SIRPB2: variants seen among roughly 807,000 people sequenced by gnomAD.
SIRPB2 encodes the protein signal-regulatory protein beta-2.
SIRPB2 carries 18 observed loss-of-function variants against 27.1 expected under a neutral mutation model. The observed-to-expected ratio is 0.66, with a 90% CI of 0.46 to 0.98. SIRPB2 has a LOEUF of 0.98. SIRPB2 is among the 50% of genes least tolerant of loss of function. SIRPB2 has a pLI of 0.00. For synonymous variants in SIRPB2, 150 were observed against 164.6 expected (o/e 0.91, Z 0.68); for missense variants, 420 against 417.4 (o/e 1.01, Z -0.06).
chr20:1,485,623 T>G (rs75415721), intron 1 of SIRPB2, among the ~76,000 whole-genome samples: 6 of 145,888 alleles, frequency 4.1e-5, no homozygotes, highest in Non-Finnish European at 5.9e-5. Flanking sequence ...TGAAACTTAA[T>G]ACAGTAGAAC....
At chr20:1,484,208 A>G (rs772111249) in intron 1 of SIRPB2, among the ~76,000 whole-genome samples, 1 of 152,226 alleles carries the variant, frequency 6.6e-6, no homozygotes, top group Non-Finnish European at 1.5e-5. Flanking sequence ...AAGATGAATT[A>G]AAGATCTAAC....
At chr20:1,486,134 G>T (rs1035087202) in intron 1 of SIRPB2, among the ~76,000 whole-genome samples, 1 of 149,728 alleles carries the variant, frequency 6.7e-6, no homozygotes, top group Non-Finnish European at 1.5e-5. Flanking sequence ...ATATGGTGGC[G>T]TGATCTCAGC....
intron 1 of SIRPB2, among the ~76,000 whole-genome samples, chr20:1,483,824 AC>A (rs2090697995): frequency 1.3e-5 from 2 of 152,108 alleles, no homozygotes; most frequent in South Asian, 2.1e-4. Flanking sequence ...TAGCCACAAA[AC>A]CTTTGCCTAG....
In SIRPB2 at chr20:1,488,377, C is replaced by T. The variant is rs367551862; in HGVS notation, c.85+2898G>A. ...TGAGAGGTTGGTAATCCTAGGACTT[C>T]GGGAGGCTGAGGCAGGCGGATCACT... On this transcript the variant is annotated intron_variant, in intron 1 of 4. Transcript: ENST00000359801. 4.1e-4 allele frequency among the ~76,000 whole-genome samples: 63 copies of T among 152,126 alleles called. No homozygotes were observed. The East Asian group carries it at 0.01, about 25-fold the overall frequency.
intron 1 of SIRPB2, among the ~76,000 whole-genome samples, chr20:1,482,085 C>A (rs1386703945): frequency 1.3e-5 from 2 of 152,080 alleles, no homozygotes; most frequent in Non-Finnish European, 2.9e-5. Context: ...AAAAAAATAA[C>A]ATTCTATTGT....
chr20:1,487,387 A>G (rs1477709240), intron 1 of SIRPB2, among the ~76,000 whole-genome samples: 3 of 152,256 alleles, frequency 2.0e-5, no homozygotes, highest in Non-Finnish European at 4.4e-5. Context: ...TCAAGTTGAT[A>G]TATAAACTCA....
At position 1,478,254 on chromosome 20, in the gene SIRPB2, C is replaced by T. The variant is rs2090627748; in HGVS notation, c.793+12G>A. 9 of 1,607,396 alleles carry T rather than the reference C, an allele frequency of 5.6e-6. No homozygotes were observed. Among genetic ancestry groups the T allele is most frequent in the Non-Finnish European group, 6.8e-6 (8 of 1,175,184 alleles). ...TCCGCTCTCCCGACAAGTCCAAAACCAATTGTCTCACCTTTCACTTTCAGG... is the reference window on the plus strand; with the variant it reads ...TCCGCTCTCCCGACAAGTCCAAAACTAATTGTCTCACCTTTCACTTTCAGG... On this transcript the variant is annotated intron_variant, in intron 3 of 4. Coordinates refer to ENST00000359801, the MANE Select transcript of SIRPB2 (RefSeq NM_001122962.2).
chr20:1,489,042 C>T (rs12481316), intron 1 of SIRPB2, among the ~76,000 whole-genome samples: 7,825 of 152,242 alleles, frequency 0.051, 354 homozygotes, highest in Admixed American at 0.14. Context: ...GAACTATTGA[C>T]ATATGCAACA....
At chr20:1,481,082 G>T (rs1337152439) in intron 1 of SIRPB2, among the ~76,000 whole-genome samples, 1 of 152,146 alleles carries the variant, frequency 6.6e-6, no homozygotes, top group Non-Finnish European at 1.5e-5. Flanking sequence ...GGATATTCTG[G>T]GTAACAAACA....
intron 1 of SIRPB2, among the ~76,000 whole-genome samples, chr20:1,490,633 A>C (rs1035020449): frequency 6.6e-6 from 1 of 152,206 alleles, no homozygotes; most frequent in Non-Finnish European, 1.5e-5. Context: ...GAAAGTCCCA[A>C]GGTGGGTCCT....
chr20:1,481,540 G>A (rs1568646732), intron 1 of SIRPB2, among the ~76,000 whole-genome samples: 1 of 152,122 alleles, frequency 6.6e-6, no homozygotes, highest in African/African-American at 2.4e-5. Context: ...CCACACATTT[G>A]TTTGCAGTAT....
chr20:1,482,542 C>T (rs1371491346), intron 1 of SIRPB2, among the ~76,000 whole-genome samples: 6 of 150,932 alleles, frequency 4.0e-5, no homozygotes, highest in Admixed American at 1.3e-4. Context: ...TTCCTTTCTT[C>T]CTTCCTTCCT....
chr20:1,480,123 A>T (rs1180102699), intron 1 of SIRPB2, 58 bp from the exon 2 acceptor site: 3 of 1,526,368 alleles, frequency 2.0e-6, no homozygotes, highest in Non-Finnish European at 2.6e-6. Flanking sequence ...GCCCTAAATG[A>T]CAAGCTTAAA....
chr20:1,487,564 T>C (rs1435127196), intron 1 of SIRPB2, among the ~76,000 whole-genome samples: 1 of 152,246 alleles, frequency 6.6e-6, no homozygotes, highest in East Asian at 1.9e-4. Flanking sequence ...AATGTGGTAT[T>C]GCACAAAGAT....
chr20:1,490,882 G>T (rs1414136596), intron 1 of SIRPB2, among the ~76,000 whole-genome samples: 1 of 152,136 alleles, frequency 6.6e-6, no homozygotes, highest in African/African-American at 2.4e-5. Flanking sequence ...TTTTGCAGTG[G>T]GTCTCATAAA....
chr20:1,476,873 C>T (rs2090610599), intron 4 of SIRPB2: 1 of 1,143,826 alleles, frequency 8.7e-7, no homozygotes, highest in South Asian at 1.9e-5. Flanking sequence ...GTGTGATCTC[C>T]TTGAGTGCAC....
intron 2 of SIRPB2, 126 bp downstream of exon 2, chr20:1,479,574 G>T: frequency 7.2e-7 from 1 of 1,383,398 alleles, no homozygotes; most frequent in Non-Finnish European, 9.9e-7. Flanking sequence ...TGCATGTAGA[G>T]ATACAAATAT....
At chr20:1,471,927 T>C (rs1273024789), downstream of SIRPB2, among the ~76,000 whole-genome samples, 1 of 150,640 alleles carries the variant, frequency 6.6e-6, no homozygotes, top group East Asian at 1.9e-4. Context: ...TTGATGGGGG[T>C]TCCTTGGGGC....
chr20:1,472,664 C>T (rs886620148), downstream of SIRPB2: 3 of 152,176 alleles, frequency 2.0e-5, no homozygotes, highest in Admixed American at 6.5e-5. Context: ...AAGGGAGACA[C>T]GCATGTTATT....
Sources: gnomAD v4.1 joint callset for allele counts (sites outside exome capture counted in the v4.1 genomes callset) on GRCh38, gnomAD v4.1.1 for gene constraint, MANE v1.5 for transcripts, NCBI Gene and HGNC (gene_info 2026-07-23, HGNC 2026-07-21) for gene names.